SLC25A21: variants seen among roughly 807,000 people sequenced by gnomAD.
SLC25A21 encodes mitochondrial 2-oxodicarboxylate carrier.
A neutral mutation model predicts 43.8 loss-of-function variants in SLC25A21; 47 were observed. The observed-to-expected ratio is 1.07, with a 90% confidence interval of 0.85 to 1.37. SLC25A21 has a LOEUF of 1.37. Among genes scored for constraint, SLC25A21 ranks in the 40% most tolerant of loss-of-function variants. SLC25A21 has a pLI of 0.00. For synonymous variants in SLC25A21, 131 were observed against 121.3 expected, an observed-to-expected ratio of 1.08 and a Z score of -0.52; for missense variants, 352 against 350.2, an observed-to-expected ratio of 1.00 and a Z score of -0.04.
intron 3 of SLC25A21, among the ~76,000 whole-genome samples, chr14:36,763,627 T>C (rs1305992792): frequency 6.6e-6 from 1 of 152,082 alleles, no homozygotes; most frequent in Admixed American, 6.5e-5. Context: ...TTTACTGTTG[T>C]AGAGGGGTCC....
rs527444702 is a variant in SLC25A21 at position 36,833,739 on chromosome 14, A to G, written c.120-19738T>C. Among the ~76,000 whole-genome samples the G allele has an allele frequency of 2.6e-5, 4 of 152,350 alleles. No individual in the cohort carries two copies. In the South Asian group the frequency reaches 8.3e-4, roughly 32 times the overall value. On this transcript the variant is annotated intron_variant, in intron 2 of 9. Coordinates refer to ENST00000331299, the MANE Select transcript of SLC25A21 (RefSeq NM_030631.4). ...AAAAGAATGTTACAATAGGTCAGCC[A>G]TGAGAACACCAAAATCTGGAATGCA...
intron 3 of SLC25A21, chr14:36,808,836 G>C (rs1436996711): frequency 1.3e-5 from 2 of 152,226 alleles, no homozygotes; most frequent in East Asian, 1.9e-4. Flanking sequence ...AGAGTATCTT[G>C]AGTTCTGTTT....
chr14:36,975,398 T>G (rs2138691722), intron 1 of SLC25A21, among the ~76,000 whole-genome samples: 1 of 152,292 alleles, frequency 6.6e-6, no homozygotes, highest in South Asian at 2.1e-4. Flanking sequence ...TTGTAAAAAG[T>G]CATTGGAATC....
intron 9 of SLC25A21, among the ~76,000 whole-genome samples, chr14:36,681,975 G>A (rs546910909): frequency 2.0e-5 from 3 of 152,200 alleles, no homozygotes; most frequent in Non-Finnish European, 2.9e-5. Context: ...AATATGCAGA[G>A]TTGGGTTAGT....
At chr14:37,004,279 A>G (rs905309944) in intron 1 of SLC25A21, among the ~76,000 whole-genome samples, 2 of 152,164 alleles carry the variant, frequency 1.3e-5, no homozygotes, top group African/African-American at 2.4e-5. Context: ...TTGAAATGTC[A>G]TCAGTGCTTG....
intron 3 of SLC25A21, among the ~76,000 whole-genome samples, chr14:36,751,831 T>G (rs531488294): frequency 6.6e-6 from 1 of 152,354 alleles, no homozygotes; most frequent in African/African-American, 2.4e-5. Context: ...AGTATATTTT[T>G]CTCTCAATTT....
chr14:36,866,270 T>C (rs1023352449), intron 2 of SLC25A21, among the ~76,000 whole-genome samples: 14 of 152,168 alleles, frequency 9.2e-5, no homozygotes, highest in African/African-American at 3.4e-4. Flanking sequence ...TGCTGTACCT[T>C]TGGGGCACTT....
intron 1 of SLC25A21, among the ~76,000 whole-genome samples, chr14:37,052,293 A>G (rs148490885): frequency 5.3e-5 from 8 of 152,302 alleles, no homozygotes; most frequent in African/African-American, 1.7e-4. Flanking sequence ...TGAAAAATCG[A>G]TAGTATAAAC....
intron 1 of SLC25A21, among the ~76,000 whole-genome samples, chr14:37,032,863 G>T (rs1961248955): frequency 6.6e-6 from 1 of 151,980 alleles, no homozygotes; most frequent in African/African-American, 2.4e-5. Context: ...CCGCCCTTTG[G>T]AAGAAAAACA....
At chr14:36,913,167 A>G (rs1317479620) in intron 1 of SLC25A21, among the ~76,000 whole-genome samples, 2 of 152,240 alleles carry the variant, frequency 1.3e-5, no homozygotes, top group Non-Finnish European at 2.9e-5. Flanking sequence ...TGATGTAAAA[A>G]GAAAATTCCT....
intron 7 of SLC25A21, among the ~76,000 whole-genome samples, chr14:36,708,963 G>A (rs977248991): frequency 6.6e-6 from 1 of 151,746 alleles, no homozygotes; most frequent in Non-Finnish European, 1.5e-5. Flanking sequence ...TGTGCTTGTG[G>A]ATTTTCTTTT....
At chr14:37,083,352 A>G (rs1419224970) in intron 1 of SLC25A21, among the ~76,000 whole-genome samples, 1 of 152,222 alleles carries the variant, frequency 6.6e-6, no homozygotes, top group African/African-American at 2.4e-5. Flanking sequence ...ACAATGCAGT[A>G]TCTGAACATG....
intron 6 of SLC25A21, among the ~76,000 whole-genome samples, chr14:36,713,014 G>A (rs958286880): frequency 6.6e-6 from 1 of 152,246 alleles, no homozygotes; most frequent in Non-Finnish European, 1.5e-5. Context: ...AGAGGTGGGG[G>A]AAGGAGAGGG....
intron 1 of SLC25A21, among the ~76,000 whole-genome samples, chr14:37,114,556 T>A (rs1213227477): frequency 6.6e-6 from 1 of 152,234 alleles, no homozygotes; most frequent in Admixed American, 6.5e-5. Context: ...TAAAACACGC[T>A]ATTTTTAAGA....
intron 1 of SLC25A21, among the ~76,000 whole-genome samples, chr14:36,938,666 C>T (rs1367030): frequency 6.6e-6 from 1 of 151,728 alleles, no homozygotes; most frequent in East Asian, 1.9e-4. Context: ...GTTCACATCT[C>T]GTTGTTTTAT....
At chr14:37,002,785 G>A (rs1345143876) in intron 1 of SLC25A21, among the ~76,000 whole-genome samples, 1 of 152,188 alleles carries the variant, frequency 6.6e-6, no homozygotes, top group Non-Finnish European at 1.5e-5. Context: ...AGCGGGAAGG[G>A]CTAGTCCATG....
intron 1 of SLC25A21, among the ~76,000 whole-genome samples, chr14:37,160,709 C>A (rs550137231): frequency 2.0e-5 from 3 of 151,960 alleles, no homozygotes; most frequent in Non-Finnish European, 4.4e-5. Flanking sequence ...GTAGGCAGAT[C>A]ACTTGAGGTC....
rs186874661 is a variant in SLC25A21 at position 37,148,918 on chromosome 14, T to G, written c.70+23363A>C. ...AGCATACCAATGAAAACATTATCAG[T>G]ATATATAATGCTGGATGACGGCTAT... On this transcript the variant is annotated intron_variant, in intron 1 of 9. Coordinates refer to ENST00000331299, the MANE Select transcript of SLC25A21 (RefSeq NM_030631.4). Among the ~76,000 whole-genome samples, 461 of 152,314 alleles carry G rather than the reference T, an allele frequency of 3.0e-3. 1 individual carries two copies. The highest frequency in any genetic ancestry group is 4.9e-3 in the Non-Finnish European group (334 of 68,024).
chr14:36,753,919 C>CAGAG (rs56871881), intron 3 of SLC25A21, among the ~76,000 whole-genome samples: 10,739 of 129,878 alleles, frequency 0.083, 400 homozygotes, highest in East Asian at 0.11. Context: ...TCACTGGGGA[C>CAGAG]AGAGAGAGAG....
Sources: allele counts gnomAD v4.1 joint callset (sites outside exome capture counted in the v4.1 genomes callset), GRCh38; gene constraint gnomAD v4.1.1; transcripts MANE v1.5; gene names NCBI Gene and HGNC (gene_info 2026-07-23, HGNC 2026-07-21).